The following CHN2 variants were observed in gnomAD, a reference collection of about 807,000 sequenced individuals.
CHN2 encodes chimerin 2.
Under a neutral mutation model 56.3 loss-of-function variants are expected in CHN2, and 35 were observed. The ratio of observed to expected loss-of-function variants is 0.62; its 90% CI spans 0.47 to 0.82. The LOEUF (loss-of-function observed/expected upper bound fraction) is 0.82. CHN2 is among the 40% of genes least tolerant of loss of function. CHN2 has a pLI of 0.00. For missense variants in CHN2, 491 were observed against 580.5 expected (o/e 0.85, Z 1.58); for synonymous variants, 210 against 212.8 (o/e 0.99, Z 0.12).
chr7:29,158,802 T>G (rs1041386105), intron 2 of CHN2, among the ~76,000 whole-genome samples: 3 of 152,180 alleles, frequency 2.0e-5, no homozygotes, highest in African/African-American at 7.2e-5. Context: ...TTCACCCTAT[T>G]TTAAATATTT....
intron 2 of CHN2, among the ~76,000 whole-genome samples, chr7:29,181,725 A>T (rs1438913973): frequency 1.3e-5 from 2 of 152,264 alleles, no homozygotes; most frequent in East Asian, 3.8e-4. Flanking sequence ...TAAATAAAGT[A>T]GACACTAATG....
chr7:29,472,389 A>G (rs1417701272), intron 6 of CHN2, among the ~76,000 whole-genome samples: 1 of 151,930 alleles, frequency 6.6e-6, no homozygotes, highest in East Asian at 1.9e-4. Context: ...TGTGACCCAC[A>G]GAGCGTGAAA....
intron 6 of CHN2, among the ~76,000 whole-genome samples, chr7:29,419,631 TCAACAA>T (rs147086593): frequency 0.028 from 4,211 of 151,928 alleles, 132 homozygotes; most frequent in African/African-American, 0.076. Flanking sequence ...CTCCTACAAC[TCAACAA>T]CAACAACAAC....
intron 1 of CHN2, among the ~76,000 whole-genome samples, chr7:29,330,286 C>T (rs1157446634): frequency 6.6e-6 from 1 of 152,180 alleles, no homozygotes; most frequent in Non-Finnish European, 1.5e-5. Context: ...TGCTTTCCTA[C>T]TGGGCTCTGG....
At chr7:29,265,368 C>G (rs191324194) in intron 1 of CHN2, among the ~76,000 whole-genome samples, 2 of 152,210 alleles carry the variant, frequency 1.3e-5, no homozygotes, top group Non-Finnish European at 1.5e-5. Context: ...AACTTCCACT[C>G]GCTCTGCTAG....
chr7:29,337,867 G>C (rs958623206), intron 1 of CHN2, among the ~76,000 whole-genome samples: 17 of 152,168 alleles, frequency 1.1e-4, no homozygotes, highest in African/African-American at 3.9e-4. Flanking sequence ...AATGCAGTGC[G>C]TGTGATCTTT....
At chr7:29,349,403 A>T (rs189489585) in intron 1 of CHN2, among the ~76,000 whole-genome samples, 9 of 152,366 alleles carry the variant, frequency 5.9e-5, no homozygotes, top group African/African-American at 9.6e-5. Context: ...TACAGAGAAG[A>T]TAACTTGCTT....
intron 1 of CHN2, among the ~76,000 whole-genome samples, chr7:29,247,634 CA>C (rs1788178130): frequency 1.3e-5 from 2 of 152,192 alleles, no homozygotes; most frequent in South Asian, 2.1e-4. Flanking sequence ...TGACAGAAAA[CA>C]AAACAAAATA....
intron 1 of CHN2, among the ~76,000 whole-genome samples, chr7:29,248,332 A>C (rs1179070673): frequency 1.3e-5 from 2 of 152,190 alleles, no homozygotes; most frequent in Non-Finnish European, 2.9e-5. Context: ...ACCTGCCTTC[A>C]GCCTGCTCCC....
At chr7:29,241,471 T>C (rs1312959372) in intron 1 of CHN2, among the ~76,000 whole-genome samples, 2 of 151,870 alleles carry the variant, frequency 1.3e-5, no homozygotes, top group African/African-American at 2.4e-5. Context: ...TTCCTCCCAG[T>C]GCACAGGCTG....
intron 2 of CHN2, among the ~76,000 whole-genome samples, chr7:29,360,161 C>T (rs1328610585): frequency 2.0e-5 from 3 of 152,242 alleles, no homozygotes; most frequent in African/African-American, 7.2e-5. Flanking sequence ...AGTGTGTGGG[C>T]AACTGTCATC....
At chr7:29,510,773 T>C (rs1369612735) in intron 12 of CHN2, among the ~76,000 whole-genome samples, 1 of 152,144 alleles carries the variant, frequency 6.6e-6, no homozygotes, top group Non-Finnish European at 1.5e-5. Context: ...ATCCCATACT[T>C]TAGGGGAAGG....
At chr7:29,172,513 A>G (rs1017819448) in intron 2 of CHN2, among the ~76,000 whole-genome samples, 1 of 152,234 alleles carries the variant, frequency 6.6e-6, no homozygotes, top group African/African-American at 2.4e-5. Flanking sequence ...CAGGAAAACC[A>G]TTGGAATCAA....
At chr7:29,483,977 T>C in intron 7 of CHN2, 1 of 819,424 alleles carries the variant, frequency 1.2e-6, no homozygotes, top group African/African-American at 1.8e-5. Context: ...TGGCACCCAG[T>C]AAGTATTCAT....
intron 7 of CHN2, among the ~76,000 whole-genome samples, chr7:29,492,500 A>C (rs1042056567): frequency 1.3e-5 from 2 of 151,458 alleles, no homozygotes; most frequent in Non-Finnish European, 2.9e-5. Context: ...TCATTTCTCA[A>C]CTTCTGAGGA....
chr7:29,365,439 G>C (rs1190137091), intron 2 of CHN2, among the ~76,000 whole-genome samples: 1 of 152,178 alleles, frequency 6.6e-6, no homozygotes, highest in Non-Finnish European at 1.5e-5. Flanking sequence ...TTGTTGATAA[G>C]TTATATAAAG....
At chr7:29,425,871 G>A (rs983021778) in intron 6 of CHN2, among the ~76,000 whole-genome samples, 19 of 152,128 alleles carry the variant, frequency 1.2e-4, no homozygotes, top group Admixed American at 7.9e-4. Flanking sequence ...GTGTGTGCAT[G>A]AATGTGGTAT....
intron 6 of CHN2, among the ~76,000 whole-genome samples, chr7:29,452,875 T>C (rs1194909876): frequency 6.6e-6 from 1 of 152,236 alleles, no homozygotes; most frequent in Non-Finnish European, 1.5e-5. Context: ...TCAGTTCTCA[T>C]CCCGACTCCA....
intron 1 of CHN2, among the ~76,000 whole-genome samples, chr7:29,229,082 A>C (rs759083707): frequency 1.3e-5 from 2 of 152,114 alleles, no homozygotes; most frequent in Non-Finnish European, 2.9e-5. Flanking sequence ...ACCTGGACTG[A>C]CCAGCTCCTC....
Sources: allele counts gnomAD v4.1 joint callset (sites outside exome capture counted in the v4.1 genomes callset), GRCh38; gene constraint gnomAD v4.1.1; transcripts MANE v1.5; gene names NCBI Gene and HGNC (gene_info 2026-07-23, HGNC 2026-07-21).